CDC123: variants seen among roughly 807,000 people sequenced by gnomAD.
The protein encoded by CDC123 is translation initiation factor eIF2 assembly protein.
Under a neutral mutation model 54.4 loss-of-function variants are expected in CDC123, and 37 were observed. The observed-to-expected ratio is 0.68, with a 90% CI of 0.52 to 0.89. The LOEUF (loss-of-function observed/expected upper bound fraction) is 0.89. Ranked by LOEUF, CDC123 falls within the 40% of genes least tolerant of loss-of-function variation. The pLI, the probability that CDC123 is intolerant of heterozygous loss-of-function variation, is 0.00. For missense variants in CDC123, 361 were observed against 412.1 expected (o/e 0.88, Z 1.07); for synonymous variants, 144 against 136.8 (o/e 1.05, Z -0.37).
intron 6 of CDC123, among the ~76,000 whole-genome samples, chr10:12,228,674 G>A (rs1393421171): frequency 1.3e-5 from 2 of 152,096 alleles, no homozygotes; most frequent in East Asian, 1.9e-4. Flanking sequence ...AGGTTCAAGC[G>A]ATTCTCCTGC....
At chr10:12,225,923 T>G (rs1313582327) in intron 6 of CDC123, among the ~76,000 whole-genome samples, 1 of 151,996 alleles carries the variant, frequency 6.6e-6, no homozygotes, top group Non-Finnish European at 1.5e-5. Flanking sequence ...CTGCAGTGTT[T>G]GTGTCCCTGG....
At chr10:12,196,922 C>A (rs553368378) in intron 1 of CDC123, among the ~76,000 whole-genome samples, 1 of 152,116 alleles carries the variant, frequency 6.6e-6, no homozygotes, top group East Asian at 1.9e-4. Context: ...TATACAATTT[C>A]ATCTCTCAGT....
intron 2 of CDC123, among the ~76,000 whole-genome samples, chr10:12,200,120 A>ATTTTTTTTTTTTTTTTTTTTTTTT (rs543337462): frequency 3.4e-5 from 2 of 59,356 alleles, no homozygotes; most frequent in African/African-American, 1.2e-4. Flanking sequence ...CGCACTCGGC[A>ATTTTTTTTTTTTTTTTTTTTTTTT]TTTTTTTTTT....
intron 5 of CDC123, among the ~76,000 whole-genome samples, chr10:12,216,190 A>C (rs535274603): frequency 6.6e-6 from 1 of 152,232 alleles, no homozygotes; most frequent in South Asian, 2.1e-4. Context: ...TAATAGTGTC[A>C]TAGGCTATAG....
At position 12,246,247 on chromosome 10, in the gene CDC123, C is replaced by T. The variant is rs370387802; in HGVS notation, c.816C>T (p.Gly272=). 29 of 1,614,022 alleles carry T rather than the reference C, an allele frequency of 1.8e-5. No homozygotes were observed. Among genetic ancestry groups the T allele is most frequent in the Middle Eastern group, 3.3e-4 (2 of 6,058 alleles). ...EELISENNLN[G]DFSEVDAQEQ... ...TGATATCTGAGAACAACTTAAACGG[C>T]GATTTTAGTGAAGTTGACGCTCAAG... The change falls in exon 11 of 13, where the codon GGC becomes GGT. Residue 272 remains glycine, a synonymous_variant. Coordinates refer to ENST00000281141, the MANE Select transcript of CDC123 (RefSeq NM_006023.3).
At chr10:12,238,510 G>A in intron 10 of CDC123, 25 bp downstream of exon 10, 1 of 1,605,426 alleles carries the variant, frequency 6.2e-7, no homozygotes, top group Non-Finnish European at 8.5e-7. Flanking sequence ...TTTCTGATAT[G>A]CTTTAATATA....
intron 2 of CDC123, among the ~76,000 whole-genome samples, chr10:12,201,459 T>C (rs1168923552): frequency 6.6e-6 from 1 of 151,530 alleles, no homozygotes. Flanking sequence ...GATGTGAAGA[T>C]TGGAGGAATG....
intron 9 of CDC123, chr10:12,237,504 G>A (rs1286801472): frequency 1.9e-5 from 4 of 211,018 alleles, no homozygotes; most frequent in Non-Finnish European, 3.6e-5. Context: ...GTGCGATCGC[G>A]GCTCGTGCAG....
In CDC123 at chr10:12,231,080, A is replaced by C. The variant is rs897873016; in HGVS notation, c.489+84A>C. 35 of 1,292,092 alleles carry C rather than the reference A, an allele frequency of 2.7e-5. No homozygotes were observed. The South Asian group carries it at 4.5e-4, about 17-fold the overall frequency. 80.0% of individuals were successfully genotyped at this position (1,292,092 alleles called of 1,614,324 possible). On this transcript the variant is annotated intron_variant, in intron 7 of 12. Coordinates refer to ENST00000281141, the MANE Select transcript of CDC123 (RefSeq NM_006023.3). Reference sequence around the variant, plus strand: ...ATTCTTAAGTGAAATGAAATGAATGAAGTTTCTTGGATTAATTTCTTCGGG... The same window carrying C: ...ATTCTTAAGTGAAATGAAATGAATGCAGTTTCTTGGATTAATTTCTTCGGG...
intron 10 of CDC123, among the ~76,000 whole-genome samples, chr10:12,242,581 T>A (rs1025356450): frequency 9.9e-5 from 15 of 152,208 alleles, no homozygotes; most frequent in African/African-American, 3.6e-4. Context: ...CCGACTGCTC[T>A]TTGCTTATTG....
chr10:12,205,926 GTA>G (rs1197806075), intron 2 of CDC123, among the ~76,000 whole-genome samples: 1 of 152,056 alleles, frequency 6.6e-6, no homozygotes, highest in Non-Finnish European at 1.5e-5. Flanking sequence ...AGCCTCCTGA[GTA>G]GCTGGGACTA....
chr10:12,243,411 G>T lies in CDC123; in HGVS notation c.718-2738G>T, dbSNP rs941146763. Among the ~76,000 whole-genome samples the T allele has an allele frequency of 4.0e-5, 6 of 151,678 alleles. 1 individual carries two copies. Among genetic ancestry groups the T allele is most frequent in the Admixed American group, 3.9e-4 (6 of 15,192 alleles). ...GAAAAAAAAAAAAGGAAAAAATGTG[G>T]TTTGGTTTTTTGCATTGTGGCATAT... is the stretch of plus-strand genomic sequence containing the variant. On this transcript the variant is annotated intron_variant, in intron 10 of 12. Coordinates refer to ENST00000281141, the MANE Select transcript of CDC123 (RefSeq NM_006023.3).
intron 1 of CDC123, 106 bp from the exon 2 acceptor site, chr10:12,198,599 T>C: frequency 5.7e-6 from 4 of 705,678 alleles, no homozygotes; most frequent in Non-Finnish European, 1.0e-5. Context: ...TTTTCTACTT[T>C]ATATTAAAAG....
intron 1 of CDC123, 109 bp downstream of exon 1, chr10:12,196,428 A>T: frequency 7.1e-7 from 1 of 1,411,784 alleles, no homozygotes; most frequent in Non-Finnish European, 9.9e-7. Flanking sequence ...ACTGCATGGG[A>T]GGGAGTGTGT....
chr10:12,245,935 T>G (rs1455240807), intron 10 of CDC123: 3 of 427,122 alleles, frequency 7.0e-6, no homozygotes, highest in Non-Finnish European at 1.3e-5. Context: ...CTGCATGTGG[T>G]GGTGCATGCC....
intron 2 of CDC123, among the ~76,000 whole-genome samples, chr10:12,206,692 C>T (rs1835523305): frequency 1.3e-5 from 2 of 152,132 alleles, no homozygotes; most frequent in East Asian, 1.9e-4. Flanking sequence ...GATGCGGTGG[C>T]TTATGCCTGT....
chr10:12,243,590 C>A (rs1303050709), intron 10 of CDC123, among the ~76,000 whole-genome samples: 6 of 151,322 alleles, frequency 4.0e-5, no homozygotes, highest in African/African-American at 1.5e-4. Flanking sequence ...AGATCGAGAC[C>A]ATCCTGACAC....
chr10:12,249,030 G>A (rs1050681667), intron 11 of CDC123, among the ~76,000 whole-genome samples: 13 of 151,800 alleles, frequency 8.6e-5, no homozygotes, highest in Non-Finnish European at 1.6e-4. Flanking sequence ...AGAATCACTT[G>A]AACCTGGGAG....
chr10:12,214,498 G>A (rs1202850511), intron 4 of CDC123, among the ~76,000 whole-genome samples: 1 of 152,204 alleles, frequency 6.6e-6, no homozygotes, highest in Non-Finnish European at 1.5e-5. Flanking sequence ...AGCTGAAGTC[G>A]TCTAGTGGAA....
Sources: allele counts gnomAD v4.1 joint callset (sites outside exome capture counted in the v4.1 genomes callset), GRCh38; gene constraint gnomAD v4.1.1; transcripts MANE v1.5; gene names NCBI Gene and HGNC (gene_info 2026-07-23, HGNC 2026-07-21).